Variants in INPP4B observed in about 807,000 individuals in gnomAD.
INPP4B encodes the protein inositol polyphosphate-4-phosphatase type II B, also known as inositol polyphosphate 4-phosphatase type II.
Under a neutral mutation model 122.5 loss-of-function variants are expected in INPP4B, and 55 were observed. The ratio of observed to expected loss-of-function variants is 0.45; its 90% CI spans 0.36 to 0.56. The LOEUF (loss-of-function observed/expected upper bound fraction) is 0.56, where lower values mean the gene tolerates loss of function less well. Ranked by LOEUF, INPP4B falls within the 20% of genes least tolerant of loss-of-function variation. The pLI is 0.00. For missense variants in INPP4B, 1,000 were observed against 1,097.7 expected, an observed-to-expected ratio of 0.91 and a Z score of 1.26; for synonymous variants, 403 against 388.7, an observed-to-expected ratio of 1.04 and a Z score of -0.43.
intron 23 of INPP4B, among the ~76,000 whole-genome samples, chr4:142,098,344 A>AAAC (rs754225294): frequency 2.6e-5 from 4 of 152,122 alleles, no homozygotes; most frequent in Non-Finnish European, 5.9e-5. Flanking sequence ...GAAAACAAAC[A>AAAC]AACAACAACA....
chr4:142,109,821 G>A (rs1474928820), intron 22 of INPP4B, among the ~76,000 whole-genome samples: 1 of 152,046 alleles, frequency 6.6e-6, no homozygotes, highest in Non-Finnish European at 1.5e-5. Context: ...CCTTCTTTCA[G>A]GATAGGAAGC....
chr4:142,726,852 A>AT (rs931726852), intron 1 of INPP4B, among the ~76,000 whole-genome samples: 4 of 152,190 alleles, frequency 2.6e-5, no homozygotes, highest in African/African-American at 9.7e-5. Flanking sequence ...TGGGAATGAT[A>AT]TTTTTTCCTA....
At chr4:142,106,027 T>C (rs993094446) in intron 23 of INPP4B, among the ~76,000 whole-genome samples, 5 of 152,166 alleles carry the variant, frequency 3.3e-5, no homozygotes, top group Admixed American at 6.6e-5. Flanking sequence ...TTGTATAGAT[T>C]GGAGTTGTAC....
At chr4:142,709,992 G>C (rs533108933) in intron 2 of INPP4B, among the ~76,000 whole-genome samples, 1 of 152,250 alleles carries the variant, frequency 6.6e-6, no homozygotes, top group African/African-American at 2.4e-5. Flanking sequence ...AATACTATTT[G>C]TTTATTTGAC....
intron 5 of INPP4B, among the ~76,000 whole-genome samples, chr4:142,414,798 C>T (rs1226549561): frequency 1.3e-5 from 2 of 152,218 alleles, no homozygotes; most frequent in African/African-American, 2.4e-5. Flanking sequence ...CACCGCCTAT[C>T]GTTGCATTCA....
intron 15 of INPP4B, among the ~76,000 whole-genome samples, chr4:142,174,413 G>A (rs180891755): frequency 3.0e-4 from 45 of 152,190 alleles, no homozygotes; most frequent in African/African-American, 1.1e-3. Flanking sequence ...TACTAGGTGA[G>A]GGGTGTGGAG....
intron 2 of INPP4B, among the ~76,000 whole-genome samples, chr4:142,581,743 A>G (rs946863192): frequency 2.0e-5 from 3 of 151,976 alleles, no homozygotes; most frequent in Admixed American, 2.0e-4. Flanking sequence ...CACCACAACT[A>G]TTCTAAATTG....
chr4:142,355,654 G>A (rs959488136), intron 7 of INPP4B, among the ~76,000 whole-genome samples: 1 of 151,942 alleles, frequency 6.6e-6, no homozygotes, highest in Non-Finnish European at 1.5e-5. Context: ...TCTTAGCTGA[G>A]GAAAGCAATT....
intron 1 of INPP4B, among the ~76,000 whole-genome samples, chr4:142,778,128 G>C (rs1774217646): frequency 6.6e-6 from 1 of 152,136 alleles, no homozygotes; most frequent in Non-Finnish European, 1.5e-5. Flanking sequence ...TACTCATCTG[G>C]AGAAAACAAC....
At chr4:142,615,215 T>C (rs1011172852) in intron 2 of INPP4B, among the ~76,000 whole-genome samples, 2 of 152,136 alleles carry the variant, frequency 1.3e-5, no homozygotes, top group East Asian at 3.9e-4. Flanking sequence ...CCTGAGAAAG[T>C]GCATCTGCAG....
intron 12 of INPP4B, among the ~76,000 whole-genome samples, chr4:142,216,453 C>A (rs1847296875): frequency 6.6e-6 from 1 of 152,158 alleles, no homozygotes; most frequent in Non-Finnish European, 1.5e-5. Flanking sequence ...AACAAATCTC[C>A]AAAGGAGACA....
chr4:142,164,604 T>C (rs1325104812), intron 16 of INPP4B, among the ~76,000 whole-genome samples: 1 of 151,826 alleles, frequency 6.6e-6, no homozygotes, highest in Non-Finnish European at 1.5e-5. Context: ...TATTATCCAT[T>C]TGCCCTTGGA....
At chr4:142,570,029 T>C (rs1243856467) in intron 2 of INPP4B, among the ~76,000 whole-genome samples, 1 of 152,072 alleles carries the variant, frequency 6.6e-6, no homozygotes, top group Non-Finnish European at 1.5e-5. Flanking sequence ...CTTCCAAAAA[T>C]GCAGGAAGTA....
At chr4:142,390,331 T>G (rs1797263157) in intron 7 of INPP4B, among the ~76,000 whole-genome samples, 1 of 151,936 alleles carries the variant, frequency 6.6e-6, no homozygotes, top group Admixed American at 6.6e-5. Context: ...AAGGCAAGAG[T>G]TTGGAAAGCG....
chr4:142,564,993 G>C (rs1213500229), intron 2 of INPP4B, among the ~76,000 whole-genome samples: 1 of 152,030 alleles, frequency 6.6e-6, no homozygotes, highest in African/African-American at 2.4e-5. Flanking sequence ...TTTTGGATCA[G>C]GATCCAATCC....
chr4:142,218,578 T>C (rs1304591888), intron 12 of INPP4B, among the ~76,000 whole-genome samples: 1 of 152,156 alleles, frequency 6.6e-6, no homozygotes, highest in Non-Finnish European at 1.5e-5. Context: ...ATGAGAGATA[T>C]AAAAGTGTTA....
At chr4:142,656,467 C>T (rs372865855) in intron 2 of INPP4B, among the ~76,000 whole-genome samples, 1 of 152,256 alleles carries the variant, frequency 6.6e-6, no homozygotes, top group Admixed American at 6.5e-5. Context: ...ACCCCTACCC[C>T]CTGTGGATCC....
chr4:142,826,763 A>G (rs28665985), intron 1 of INPP4B, among the ~76,000 whole-genome samples: 19,465 of 151,896 alleles, frequency 0.13, 2,000 homozygotes, highest in African/African-American at 0.29. Flanking sequence ...GTCTTCACAA[A>G]CTCAACTCTT....
chr4:142,037,955 A>C (rs1349610307), intron 25 of INPP4B, among the ~76,000 whole-genome samples: 1 of 152,136 alleles, frequency 6.6e-6, no homozygotes, highest in African/African-American at 2.4e-5. Flanking sequence ...AAAAATCTTA[A>C]GTTTCCATAG....
Sources: gnomAD v4.1 joint callset for allele counts (sites outside exome capture counted in the v4.1 genomes callset) on GRCh38, gnomAD v4.1.1 for gene constraint, MANE v1.5 for transcripts, NCBI Gene and HGNC (gene_info 2026-07-23, HGNC 2026-07-21) for gene names.